Variants in DAB1 observed in about 807,000 individuals in gnomAD.
DAB1 encodes the protein DAB adaptor protein 1, also known as disabled homolog 1.
Under a neutral mutation model 64.6 loss-of-function variants are expected in DAB1, and 15 were observed. The ratio of observed to expected loss-of-function variants is 0.23; its 90% CI spans 0.16 to 0.36. The LOEUF is 0.36. Among genes scored for constraint, DAB1 ranks in the 10% least tolerant of loss-of-function variants. The pLI is 1.00. For synonymous variants in DAB1, 235 were observed against 251.9 expected, an observed-to-expected ratio of 0.93 and a Z score of 0.64; for missense variants, 596 against 706.7, an observed-to-expected ratio of 0.84 and a Z score of 1.78.
At chr1:57,783,980 C>T (rs1442839990) in intron 6 of DAB1, among the ~76,000 whole-genome samples, 1 of 152,112 alleles carries the variant, frequency 6.6e-6, no homozygotes, top group Non-Finnish European at 1.5e-5. Context: ...CTAGCAATGG[C>T]CTCTAGGTGT....
chr1:58,125,693 G>T (rs556356008), intron 5 of DAB1, among the ~76,000 whole-genome samples: 32 of 152,262 alleles, frequency 2.1e-4, no homozygotes, highest in Admixed American at 2.0e-3. Flanking sequence ...CAATCCACCT[G>T]TCTCAGCCTT....
intron 4 of DAB1, among the ~76,000 whole-genome samples, chr1:58,242,460 C>T (rs1317912225): frequency 1.3e-5 from 2 of 152,092 alleles, no homozygotes; most frequent in East Asian, 1.9e-4. Flanking sequence ...ATATCCATAC[C>T]AAGGCAGAGT....
chr1:58,410,440 G>A (rs1262455530), intron 3 of DAB1, among the ~76,000 whole-genome samples: 1 of 152,166 alleles, frequency 6.6e-6, no homozygotes, highest in Non-Finnish European at 1.5e-5. Flanking sequence ...CTGGGAAAGG[G>A]AATGGGAAGG....
At chr1:57,305,566 G>A (rs138794544) in intron 1 of DAB1, among the ~76,000 whole-genome samples, 3 of 152,218 alleles carry the variant, frequency 2.0e-5, no homozygotes, top group South Asian at 2.1e-4. Flanking sequence ...AAGCCCTCCC[G>A]CTCCAGGAAG....
intron 5 of DAB1, among the ~76,000 whole-genome samples, chr1:57,975,589 C>A (rs2100323013): frequency 6.6e-6 from 1 of 152,250 alleles, no homozygotes; most frequent in East Asian, 1.9e-4. Context: ...TAGGGATATG[C>A]AAATTATTTA....
chr1:58,395,462 T>A (rs1351445880), intron 3 of DAB1, among the ~76,000 whole-genome samples: 2 of 152,238 alleles, frequency 1.3e-5, no homozygotes, highest in African/African-American at 4.8e-5. Flanking sequence ...CTTCTTTAAC[T>A]TTCTATGATA....
At chr1:58,145,202 C>A (rs1160449220) in intron 5 of DAB1, among the ~76,000 whole-genome samples, 1 of 152,206 alleles carries the variant, frequency 6.6e-6, no homozygotes, top group Non-Finnish European at 1.5e-5. Context: ...TGCCATCCTG[C>A]CGGAGGATGC....
rs184629391 is a variant in DAB1, at chr1:57,328,314, C to T, written c.-136-37148G>A. ...GTTGGGATGGCATGAGTTTTCATCTCGCTTGCCACATTTGACCAACTGGTA... is the reference window on the plus strand; with the variant it reads ...GTTGGGATGGCATGAGTTTTCATCTTGCTTGCCACATTTGACCAACTGGTA... On this transcript the variant is annotated intron_variant, in intron 1 of 14. Coordinates refer to ENST00000371236, the MANE Select transcript of DAB1 (RefSeq NM_001365792.1). Among the ~76,000 whole-genome samples, 338 of 152,220 alleles carry T rather than the reference C, an allele frequency of 2.2e-3. 1 individual carries two copies. Among genetic ancestry groups the T allele is most frequent in the Non-Finnish European group, 3.2e-3 (219 of 68,012 alleles).
intron 3 of DAB1, among the ~76,000 whole-genome samples, chr1:58,481,744 T>G (rs534177294): frequency 1.3e-5 from 2 of 152,316 alleles, no homozygotes; most frequent in East Asian, 3.9e-4. Context: ...TTTCCCGTGC[T>G]GTTCTCATGA....
Position 57,130,450 on chromosome 1 carries a change from T to G in DAB1, c.306+6093A>C, listed in dbSNP as rs1657555178. ...ATGAAATCAGTGTATTGAAGATCTATCTGCACTCCCATGTTCACTGTAGCA... is the reference window on the plus strand; with the variant it reads ...ATGAAATCAGTGTATTGAAGATCTAGCTGCACTCCCATGTTCACTGTAGCA... On this transcript the variant is annotated intron_variant, in intron 4 of 14. Transcript: ENST00000371236. Among the ~76,000 whole-genome samples, 3 of 152,182 alleles carry G rather than the reference T, an allele frequency of 2.0e-5. No individual in the cohort carries two copies. The East Asian group carries it at 5.8e-4, about 29-fold the overall frequency.
At chr1:57,426,874 A>ATATATATTTTTT (rs57970737), upstream of DAB1, among the ~76,000 whole-genome samples, 1,091 of 149,230 alleles carry the variant, frequency 7.3e-3, 14 homozygotes, top group African/African-American at 0.025. Context: ...ATATATATAT[A>ATATATATTTTTT]TTTTTTTGAG....
At chr1:57,088,005 T>G (rs1246561075) in intron 4 of DAB1, among the ~76,000 whole-genome samples, 1 of 152,342 alleles carries the variant, frequency 6.6e-6, no homozygotes, top group Middle Eastern at 3.4e-3. Flanking sequence ...CTGAGCCCTC[T>G]TCTTCGCTAG....
At chr1:58,433,571 G>A (rs1178565023) in intron 3 of DAB1, among the ~76,000 whole-genome samples, 1 of 76,004 alleles carries the variant, frequency 1.3e-5, no homozygotes, top group East Asian at 2.9e-4. Flanking sequence ...ATGCATAAGA[G>A]AGAGAGAGAG....
chr1:58,160,190 G>C (rs990975860), intron 4 of DAB1, among the ~76,000 whole-genome samples: 2 of 152,124 alleles, frequency 1.3e-5, no homozygotes, highest in African/African-American at 4.8e-5. Context: ...AGGTAGGCCA[G>C]GGGGTAAGGA....
At chr1:58,493,843 C>G (rs1020987265) in intron 3 of DAB1, among the ~76,000 whole-genome samples, 2 of 151,802 alleles carry the variant, frequency 1.3e-5, no homozygotes, top group African/African-American at 4.8e-5. Flanking sequence ...CCATACTGCC[C>G]AAGGTAATTT....
chr1:57,137,490 A>C (rs1658228695), intron 3 of DAB1, among the ~76,000 whole-genome samples: 1 of 152,302 alleles, frequency 6.6e-6, no homozygotes, highest in South Asian at 2.1e-4. Flanking sequence ...CTTGCTTTCG[A>C]AATTAGATTC....
intron 4 of DAB1, among the ~76,000 whole-genome samples, chr1:58,291,916 C>A (rs112830499): frequency 1.3e-5 from 2 of 152,294 alleles, no homozygotes; most frequent in Admixed American, 6.5e-5. Flanking sequence ...GTGTGTGTCT[C>A]TGAAGATGTT....
chr1:58,359,862 A>T (rs1356184529), intron 3 of DAB1, among the ~76,000 whole-genome samples: 1 of 152,220 alleles, frequency 6.6e-6, no homozygotes, highest in African/African-American at 2.4e-5. Flanking sequence ...TTTGGAAGTT[A>T]AACTGACCTA....
intron 7 of DAB1, among the ~76,000 whole-genome samples, chr1:57,533,559 A>ATATATATATATG (rs1304068424): frequency 6.7e-6 from 1 of 149,982 alleles, no homozygotes; most frequent in African/African-American, 2.4e-5. Flanking sequence ...ATATATATAT[A>ATATATATATATG]TATATATGTA....
Sources: allele counts gnomAD v4.1 joint callset (sites outside exome capture counted in the v4.1 genomes callset), GRCh38; gene constraint gnomAD v4.1.1; transcripts MANE v1.5; gene names NCBI Gene and HGNC (gene_info 2026-07-23, HGNC 2026-07-21).